Variants in EML5 observed in about 807,000 individuals in gnomAD.
EML5 encodes EMAP like 5.
A neutral mutation model predicts 250.0 loss-of-function variants in EML5; 120 were observed. The ratio of observed to expected loss-of-function variants is 0.48; its 90% confidence interval spans 0.41 to 0.56. The LOEUF (loss-of-function observed/expected upper bound fraction) is 0.56, where lower values mean the gene tolerates loss of function less well. Ranked by LOEUF, EML5 falls within the 20% of genes least tolerant of loss-of-function variation. EML5 has a pLI of 0.00. For synonymous variants in EML5, 771 were observed against 806.5 expected (o/e 0.96, Z 0.75); for missense variants, 2,006 against 2,437.6 (o/e 0.82, Z 3.73).
chr14:88,779,501 TTC>T (rs71456660), intron 1 of EML5, among the ~76,000 whole-genome samples: 3,935 of 152,246 alleles, frequency 0.026, 77 homozygotes, highest in Middle Eastern at 0.037. Flanking sequence ...AATGAGTTGG[TTC>T]TCTGTCATCT....
At chr14:88,749,631 A>G (rs2094061290) in intron 2 of EML5, among the ~76,000 whole-genome samples, 2 of 152,162 alleles carry the variant, frequency 1.3e-5, no homozygotes, top group Non-Finnish European at 2.9e-5. Context: ...AGCACCATAA[A>G]CAGAAGAAAG....
chr14:88,778,216 AAAG>A (rs1317810530), intron 1 of EML5, among the ~76,000 whole-genome samples: 1 of 152,204 alleles, frequency 6.6e-6, no homozygotes, highest in African/African-American at 2.4e-5. Context: ...GACCTGAACG[AAAG>A]AAGGAAAAAA....
chr14:88,649,922 C>A lies in EML5; in HGVS notation c.4009G>T (p.Gly1337Ter). Reference protein sequence around the residue: ...QKEPSIDERQGVVRGSRPPVS... With the variant: ...QKEPSIDERQ ...TTATAAAACACTTACCTTACTACTC[C>A]CTGCCTTCAAAAGGAGCAAGGGGGA... Residue 1337 changes from glycine to a stop codon, truncating the protein, a stop_gained, in exon 28 of 44, where the codon GGA becomes TGA. Coordinates refer to ENST00000554922, the MANE Select transcript of EML5 (RefSeq NM_183387.3). LOFTEE classifies it high-confidence loss of function. The A allele has an allele frequency of 6.7e-7, 1 of 1,484,700 alleles. No individual in the cohort carries two copies. The highest frequency in any genetic ancestry group is 8.9e-7 in the Non-Finnish European group (1 of 1,117,452). The allele number at this position is 1,484,700 out of a possible 1,614,324, so 92.0% of individuals were successfully genotyped here. A position where few individuals can be genotyped will look rare whatever the true frequency, so the allele number is the denominator to read the frequency against.
intron 33 of EML5, among the ~76,000 whole-genome samples, chr14:88,628,916 T>C (rs2090234596): frequency 6.6e-6 from 1 of 151,994 alleles, no homozygotes; most frequent in African/African-American, 2.4e-5. Flanking sequence ...CACGGAAACA[T>C]ACATAAAAGT....
intron 1 of EML5, among the ~76,000 whole-genome samples, chr14:88,757,313 T>C (rs2094174287): frequency 6.6e-6 from 1 of 152,120 alleles, no homozygotes; most frequent in Non-Finnish European, 1.5e-5. Context: ...CCTCAAACCA[T>C]ATACAAATGT....
At chr14:88,619,776 T>A (rs2088538661) in intron 39 of EML5, 1 of 152,178 alleles carries the variant, frequency 6.6e-6, no homozygotes, top group African/African-American at 2.4e-5. Flanking sequence ...GCGATTCTCC[T>A]GTTTCAGCCC....
chr14:88,777,622 A>G (rs1193470114), intron 1 of EML5, among the ~76,000 whole-genome samples: 1 of 152,204 alleles, frequency 6.6e-6, no homozygotes, highest in Non-Finnish European at 1.5e-5. Flanking sequence ...AAAAATAATA[A>G]CTACAACAAC....
intron 1 of EML5, among the ~76,000 whole-genome samples, chr14:88,768,185 A>G (rs1375410122): frequency 2.0e-5 from 3 of 152,194 alleles, no homozygotes; most frequent in Non-Finnish European, 4.4e-5. Context: ...CAGAAGGTTT[A>G]GGGTGTCAAT....
chr14:88,759,811 G>A (rs2094214366), intron 1 of EML5, among the ~76,000 whole-genome samples: 1 of 151,922 alleles, frequency 6.6e-6, no homozygotes, highest in Non-Finnish European at 1.5e-5. Context: ...GGGTGGGTCC[G>A]TGTTTAGATT....
chr14:88,642,843 T>G (rs1426007718), intron 31 of EML5, 50 bp downstream of exon 31: 1 of 1,548,276 alleles, frequency 6.5e-7, no homozygotes, highest in Non-Finnish European at 8.7e-7. Context: ...TAGATCAAAA[T>G]TTCTAAGTTA....
At chr14:88,696,798 G>A (rs751534803) in intron 15 of EML5, 49 bp downstream of exon 15, 2 of 1,324,912 alleles carry the variant, frequency 1.5e-6, no homozygotes, top group Non-Finnish European at 2.1e-6. Flanking sequence ...AATGCTATGT[G>A]TTGCCTCTGC....
In EML5 at chr14:88,620,947, AAAAAG is replaced by A. The variant is rs1375701408; in HGVS notation, c.5203-26_5203-22del. The A allele has an allele frequency of 2.0e-6, 3 of 1,490,062 alleles. No individual in the cohort carries two copies. The highest frequency in any genetic ancestry group is 2.7e-6 in the Non-Finnish European group (3 of 1,125,358). The allele number at this position is 1,490,062 out of a possible 1,614,324, so 92.3% of individuals were successfully genotyped here. ...ATCTTCTGCATTTAAAAAAAAAAAA[AAAAAG>A]AGTCATAGGAAACATTAAGTGAAGT... On this transcript the variant is annotated intron_variant, in intron 38 of 43. Transcript: ENST00000554922. This position sits in a 1 kb window ranked among gnomAD's most constrained non-coding sequence, Gnocchi z 4.3.
chr14:88,784,408 G>GA (rs138042791), intron 1 of EML5, among the ~76,000 whole-genome samples: 227 of 131,718 alleles, frequency 1.7e-3, no homozygotes, highest in East Asian at 8.5e-3. Flanking sequence ...GCCACATTAA[G>GA]AAAAAAAAAA....
At chr14:88,640,990 G>A (rs2091032384) in intron 31 of EML5, among the ~76,000 whole-genome samples, 1 of 150,396 alleles carries the variant, frequency 6.6e-6, no homozygotes, top group African/African-American at 2.5e-5. Flanking sequence ...TCTAAAAAAA[G>A]AAGAAGAAGA....
intron 8 of EML5, among the ~76,000 whole-genome samples, chr14:88,720,585 T>C (rs1325303388): frequency 6.6e-6 from 1 of 152,204 alleles, no homozygotes; most frequent in African/African-American, 2.4e-5. Context: ...CATCCTTTCA[T>C]GTTGAAACCT....
At chr14:88,724,013 G>A (rs1235916421) in intron 8 of EML5, among the ~76,000 whole-genome samples, 1 of 151,916 alleles carries the variant, frequency 6.6e-6, no homozygotes, top group Non-Finnish European at 1.5e-5. Flanking sequence ...GCTCACGCCT[G>A]TAATCCCAGC....
intron 25 of EML5, among the ~76,000 whole-genome samples, chr14:88,660,341 T>A (rs544599597): frequency 7.9e-5 from 12 of 152,090 alleles, no homozygotes; most frequent in African/African-American, 2.9e-4. Flanking sequence ...TAAATTTTAT[T>A]TCCGTGTTAA....
chr14:88,688,406 T>C lies in EML5; in HGVS notation c.2607A>G (p.Ala869=), dbSNP rs780051555. 17 of 1,613,930 alleles carry C rather than the reference T, an allele frequency of 1.1e-5. No homozygotes were observed. In the East Asian group the frequency reaches 1.3e-4, roughly 13 times the overall value. Residue 869 remains alanine, a synonymous_variant, in exon 18 of 44, where the codon GCA becomes GCG. Transcript: ENST00000554922. ...TLGKNDTMMC[A]VYGWTEEMAF... ...CCATCTCTTCAGTCCATCCATACAC[T>C]GCACACATCATTGTGTCATTTTTCC...
chr14:88,670,772 C>T (rs758626890), intron 21 of EML5, among the ~76,000 whole-genome samples: 1 of 151,880 alleles, frequency 6.6e-6, no homozygotes, highest in Admixed American at 6.6e-5. Context: ...TACAATGCAA[C>T]CACAAGTATC....
Sources: gnomAD v4.1 joint callset for allele counts (sites outside exome capture counted in the v4.1 genomes callset) on GRCh38, gnomAD v4.1.1 for gene constraint, Gnocchi (gnomAD v3.1) non-coding constraint, MANE v1.5 for transcripts, NCBI Gene and HGNC (gene_info 2026-07-23, HGNC 2026-07-21) for gene names.